Variants in IL1RAPL1 observed in about 807,000 individuals in gnomAD.
The protein encoded by IL1RAPL1 is interleukin 1 receptor accessory protein like 1.
IL1RAPL1 carries 3 observed loss-of-function variants against 48.4 expected under a neutral mutation model. The ratio of observed to expected loss-of-function variants is 0.06; its 90% CI spans 0.03 to 0.16. The LOEUF (loss-of-function observed/expected upper bound fraction) is 0.16. Among genes scored for constraint, IL1RAPL1 ranks in the 10% least tolerant of loss-of-function variants. The pLI, the probability that IL1RAPL1 is intolerant of heterozygous loss-of-function variation, is 1.00. For synonymous variants in IL1RAPL1, 185 were observed against 187.7 expected (o/e 0.99, Z 0.12); for missense variants, 349 against 530.6 (o/e 0.66, Z 3.36).
intron 6 of IL1RAPL1, among the ~76,000 whole-genome samples, chrX:29,884,177 C>G (rs1295540612): frequency 1.8e-5 from 2 of 112,013 alleles, no homozygotes; most frequent in African/African-American, 3.2e-5. Flanking sequence ...CCAGTTCATT[C>G]TATTCATTCG....
intron 6 of IL1RAPL1, among the ~76,000 whole-genome samples, chrX:29,722,196 A>G (rs963118955): frequency 1.7e-4 from 19 of 112,149 alleles, no homozygotes; most frequent in Non-Finnish European, 3.0e-4. Flanking sequence ...TAAAAAGGGC[A>G]TGCTCATTCT....
At chrX:29,563,970 G>T (rs1922321289) in intron 5 of IL1RAPL1, among the ~76,000 whole-genome samples, 1 of 111,577 alleles carries the variant, frequency 9.0e-6, no homozygotes, top group African/African-American at 3.3e-5. Flanking sequence ...TTTACTGCAT[G>T]GACAGTTGTA....
chrX:29,169,002 AATAT>A lies in IL1RAPL1; in HGVS notation c.83-113931_83-113928del, dbSNP rs955273336. Among the ~76,000 whole-genome samples the A allele has an allele frequency of 4.8e-4, 50 of 104,639 alleles. No homozygotes were observed. The Middle Eastern group carries it at 0.016, about 34-fold the overall frequency. 90.9% of individuals were successfully genotyped at this position (104,639 alleles called of 115,157 possible). A position where few individuals can be genotyped will look rare whatever the true frequency, so the allele number is the denominator to read the frequency against. On this transcript the variant is annotated intron_variant, in intron 2 of 10. Transcript: ENST00000378993. ...TTGTATATATATTTTCATATATATGAATATATATGATAAATGTGATATATTAATA... is the reference window on the plus strand; with the variant it reads ...TTGTATATATATTTTCATATATATGAATATGATAAATGTGATATATTAATA...
At chrX:29,222,496 A>G (rs759933964) in intron 2 of IL1RAPL1, among the ~76,000 whole-genome samples, 1 of 112,076 alleles carries the variant, frequency 8.9e-6, no homozygotes, top group Non-Finnish European at 1.9e-5. Context: ...TTATTGGAAC[A>G]TAAGGACATA....
intron 2 of IL1RAPL1, among the ~76,000 whole-genome samples, chrX:29,244,283 A>T (rs1476265027): frequency 8.9e-6 from 1 of 112,282 alleles, no homozygotes; most frequent in Non-Finnish European, 1.9e-5. Context: ...ACAGAAAGAG[A>T]AATAAATTAG....
At chrX:29,637,695 T>A (rs927026231) in intron 5 of IL1RAPL1, among the ~76,000 whole-genome samples, 6 of 111,761 alleles carry the variant, frequency 5.4e-5, no homozygotes, top group African/African-American at 1.9e-4. Context: ...GCTTTCTGCC[T>A]ATGGAGTTTA....
chrX:29,284,895 A>G (rs754753381), intron 3 of IL1RAPL1, among the ~76,000 whole-genome samples: 1 of 112,365 alleles, frequency 8.9e-6, no homozygotes, highest in African/African-American at 3.2e-5. Flanking sequence ...TCACACTAGT[A>G]CAGTTAAAGA....
At chrX:28,776,944 C>T (rs773686007) in intron 1 of IL1RAPL1, among the ~76,000 whole-genome samples, 2 of 112,043 alleles carry the variant, frequency 1.8e-5, no homozygotes, top group Non-Finnish European at 3.8e-5. Flanking sequence ...TAATGATAAA[C>T]AAAAATATTC....
At chrX:29,280,171 A>C (rs776445548) in intron 2 of IL1RAPL1, among the ~76,000 whole-genome samples, 1 of 112,308 alleles carries the variant, frequency 8.9e-6, no homozygotes, top group South Asian at 3.7e-4. Flanking sequence ...GTAATGGGAA[A>C]ATATACAAAA....
intron 2 of IL1RAPL1, among the ~76,000 whole-genome samples, chrX:29,247,418 G>A (rs1401736251): frequency 9.1e-6 from 1 of 109,447 alleles, no homozygotes; most frequent in Non-Finnish European, 1.9e-5. Context: ...GAGCCATACT[G>A]AAATAACACG....
chrX:29,206,443 T>A (rs1247196710), intron 2 of IL1RAPL1, among the ~76,000 whole-genome samples: 1 of 111,691 alleles, frequency 9.0e-6, no homozygotes, highest in Non-Finnish European at 1.9e-5. Context: ...TTTTAAATTA[T>A]AATTGAACAC....
intron 5 of IL1RAPL1, among the ~76,000 whole-genome samples, chrX:29,656,720 G>A (rs766791737): frequency 9.0e-6 from 1 of 110,680 alleles, no homozygotes; most frequent in Non-Finnish European, 1.9e-5. Flanking sequence ...TTTTGCAGTT[G>A]TGAATTGTGT....
intron 3 of IL1RAPL1, among the ~76,000 whole-genome samples, chrX:29,353,553 A>G (rs1240737402): frequency 9.0e-6 from 1 of 111,657 alleles, no homozygotes; most frequent in Non-Finnish European, 1.9e-5. Flanking sequence ...TTTTCTCATC[A>G]AACTAATACT....
intron 2 of IL1RAPL1, among the ~76,000 whole-genome samples, chrX:29,122,392 CTCTT>C (rs1475065694): frequency 6.1e-4 from 58 of 95,080 alleles, no homozygotes; most frequent in Middle Eastern, 5.3e-3. Context: ...ATCTCTCTCT[CTCTT>C]TCTCTCTCTC....
chrX:29,739,934 C>T (rs1928154352), intron 6 of IL1RAPL1, among the ~76,000 whole-genome samples: 1 of 108,431 alleles, frequency 9.2e-6, no homozygotes, highest in African/African-American at 3.4e-5. Context: ...GTGGTAGGCG[C>T]CTGTAATCCC....
At chrX:28,988,475 G>A (rs765372110) in intron 2 of IL1RAPL1, among the ~76,000 whole-genome samples, 3 of 111,306 alleles carry the variant, frequency 2.7e-5, no homozygotes, top group Non-Finnish European at 5.6e-5. Flanking sequence ...CCTCCTCCAA[G>A]CAGGCTGGAG....
chrX:28,947,953 A>G (rs1226022970), intron 2 of IL1RAPL1, among the ~76,000 whole-genome samples: 1 of 111,508 alleles, frequency 9.0e-6, no homozygotes, highest in African/African-American at 3.3e-5. Context: ...GCAAGAGGGA[A>G]GAACATGGCT....
At chrX:29,707,344 G>A (rs1021389592) in intron 6 of IL1RAPL1, among the ~76,000 whole-genome samples, 2 of 112,194 alleles carry the variant, frequency 1.8e-5, no homozygotes, top group Admixed American at 9.5e-5. Flanking sequence ...TGGTGGGAAT[G>A]TAAACTAGTA....
intron 6 of IL1RAPL1, among the ~76,000 whole-genome samples, chrX:29,704,311 G>T (rs1927134085): frequency 9.0e-6 from 1 of 111,166 alleles, no homozygotes; most frequent in Non-Finnish European, 1.9e-5. Context: ...ATTAATTAGT[G>T]CTTGAGGGAT....
Sources: allele counts gnomAD v4.1 joint callset (sites outside exome capture counted in the v4.1 genomes callset), GRCh38; gene constraint gnomAD v4.1.1; transcripts MANE v1.5; gene names NCBI Gene and HGNC (gene_info 2026-07-23, HGNC 2026-07-21).